The following ATXN2 variants were observed in gnomAD, a reference collection of about 807,000 sequenced individuals.
ATXN2 encodes the protein ataxin 2, also known as ataxin-2.
Under a neutral mutation model 138.6 loss-of-function variants are expected in ATXN2, and 37 were observed. The ratio of observed to expected loss-of-function variants is 0.27; its 90% CI spans 0.21 to 0.35. The LOEUF is 0.35. Among genes scored for constraint, ATXN2 ranks in the 10% least tolerant of loss-of-function variants. The pLI, the probability that ATXN2 is intolerant of heterozygous loss-of-function variation, is 1.00. For missense variants in ATXN2, 1,216 were observed against 1,480.3 expected (o/e 0.82, Z 2.93); for synonymous variants, 549 against 543.7 (o/e 1.01, Z -0.13).
rs773777965 is a variant in ATXN2 at position 111,452,826 on chromosome 12, G to C, written c.3454C>G (p.Gln1152Glu). Reference sequence around the variant, plus strand: ...CCAGGGCAGCCTTACAACTGCTGTTGGTGGTGGGCTTGTACTGTAAAAAGA... The same window carrying C: ...CCAGGGCAGCCTTACAACTGCTGTTCGTGGTGGGCTTGTACTGTAAAAAGA... Reference protein sequence around the residue: ...MTHPSVQAHHQQQL With the variant: ...MTHPSVQAHHEQQL The change falls in exon 25 of 25, where the codon CAA (glutamine) becomes GAA (glutamate). Residue 1152 changes from glutamine (Q) to glutamate (E), a missense_variant. Gln to Glu is a conservative substitution (Grantham distance 29). Transcript: ENST00000673436. 1 of 1,613,730 alleles carries C rather than the reference G, an allele frequency of 6.2e-7. No individual in the cohort carries two copies. Among genetic ancestry groups the C allele is most frequent in the Non-Finnish European group, 8.5e-7 (1 of 1,179,862 alleles).
intron 5 of ATXN2, among the ~76,000 whole-genome samples, chr12:111,547,341 T>C (rs528085959): frequency 6.0e-5 from 9 of 149,860 alleles, no homozygotes; most frequent in Non-Finnish European, 1.3e-4. Flanking sequence ...GCAGAAGAAT[T>C]GCTTGAACCT....
At chr12:111,582,551 T>A (rs934781204) in intron 1 of ATXN2, among the ~76,000 whole-genome samples, 1 of 151,928 alleles carries the variant, frequency 6.6e-6, no homozygotes, top group Admixed American at 6.6e-5. Context: ...AAGGCTGCAA[T>A]AAGCCATGAT....
intron 14 of ATXN2, among the ~76,000 whole-genome samples, chr12:111,498,273 G>A (rs983081445): frequency 6.6e-6 from 1 of 152,126 alleles, no homozygotes; most frequent in African/African-American, 2.4e-5. Flanking sequence ...AATGGAAGAA[G>A]TCAAATTATC....
chr12:111,513,394 A>T lies in ATXN2; in HGVS notation c.1521T>A (p.Ser507Arg). 6.2e-7 allele frequency: 1 copy of T among 1,613,872 alleles called. No homozygotes were observed. The highest frequency in any genetic ancestry group is 8.5e-7 in the Non-Finnish European group (1 of 1,179,982). Residue 507 changes from serine (S) to arginine (R), a missense_variant, in exon 11 of 25, where the codon AGT (serine) becomes AGA (arginine). Physicochemically the swap from Ser to Arg is moderately radical, Grantham distance 110. Around this residue, in one of 4 missense-constraint regions of ATXN2, gnomAD observed 215 missense variants for 210.0 expected, o/e 1.02. Coordinates refer to ENST00000673436, the MANE Select transcript of ATXN2 (RefSeq NM_001372574.1). ...CTGATGACCACGTTCCCCCCGAGGG[A>T]CTGGTCCTTGCTACTGGAGGAGTAG... ...EAATPPVART[S>R]PSGGTWSSVV...
At chr12:111,482,382 GAC>G (rs1877307036) in intron 18 of ATXN2, among the ~76,000 whole-genome samples, 1 of 151,784 alleles carries the variant, frequency 6.6e-6, no homozygotes, top group Non-Finnish European at 1.5e-5. Flanking sequence ...TTTTAGTAGA[GAC>G]ACGGTTTCAC....
chr12:111,459,703 G>C (rs1163013379), intron 21 of ATXN2, among the ~76,000 whole-genome samples: 1 of 151,526 alleles, frequency 6.6e-6, no homozygotes, highest in Non-Finnish European at 1.5e-5. Flanking sequence ...GCCTCCCAAA[G>C]TGCTGGGATT....
rs575169271 is a variant in ATXN2 at position 111,516,808 on chromosome 12, A to G, written c.1166-445T>C. Among the ~76,000 whole-genome samples, 3 of 152,232 alleles carry G rather than the reference A, an allele frequency of 2.0e-5. No homozygotes were observed. Among genetic ancestry groups the G allele is most frequent in the Non-Finnish European group, 4.4e-5 (3 of 68,030 alleles). On this transcript the variant is annotated intron_variant, in intron 9 of 24. Transcript: ENST00000673436. The surrounding 1 kb of genome is among the most constrained non-coding windows in gnomAD (Gnocchi z 5.0). ...CTGAGGCATAACGAAAATAAGCAGT[A>G]GCTATTATATCCAATTAGAAATGCT...
chr12:111,474,487 C>A (rs1293151261), intron 18 of ATXN2, among the ~76,000 whole-genome samples: 1 of 152,008 alleles, frequency 6.6e-6, no homozygotes, highest in African/African-American at 2.4e-5. Context: ...TGCCTGTAGT[C>A]ACAGTTACTT....
At chr12:111,554,855 C>T (rs974796437) in intron 2 of ATXN2, among the ~76,000 whole-genome samples, 13 of 152,130 alleles carry the variant, frequency 8.5e-5, no homozygotes, top group Non-Finnish European at 1.5e-5. Context: ...GGGTAGGAAG[C>T]CAGGTCATAC....
At chr12:111,567,683 G>A (rs77001757) in intron 1 of ATXN2, among the ~76,000 whole-genome samples, 15,200 of 150,656 alleles carry the variant, frequency 0.1, 2,541 homozygotes, top group African/African-American at 0.35. Context: ...GTATGGTGGC[G>A]TGCACCCATG....
intron 18 of ATXN2, among the ~76,000 whole-genome samples, chr12:111,480,798 A>G (rs1877174557): frequency 6.6e-6 from 1 of 152,198 alleles, no homozygotes; most frequent in Non-Finnish European, 1.5e-5. Context: ...AATTAACTCA[A>G]AAGAGATTGT....
chr12:111,529,471 A>T (rs1174221210), intron 5 of ATXN2, among the ~76,000 whole-genome samples: 2 of 152,234 alleles, frequency 1.3e-5, no homozygotes, highest in Non-Finnish European at 2.9e-5. Context: ...AAGCCTCTAG[A>T]CTAGCAGGCG....
At chr12:111,575,745 C>T (rs989238386) in intron 1 of ATXN2, among the ~76,000 whole-genome samples, 1 of 152,152 alleles carries the variant, frequency 6.6e-6, no homozygotes, top group African/African-American at 2.4e-5. Flanking sequence ...CCTATAAATG[C>T]CATGCTTTCT....
At chr12:111,543,141 T>C (rs80298150) in intron 5 of ATXN2, among the ~76,000 whole-genome samples, 2,234 of 152,236 alleles carry the variant, frequency 0.015, 64 homozygotes, top group African/African-American at 0.051. Context: ...CTGGCCTCAA[T>C]AAGTGCCACT....
At chr12:111,467,307 CTTTTTTTTTTTTTT>C (rs61507608) in intron 20 of ATXN2, among the ~76,000 whole-genome samples, 95 of 34,844 alleles carry the variant, frequency 2.7e-3, no homozygotes, top group Non-Finnish European at 4.1e-3. Flanking sequence ...CATGACTGGG[CTTTTTTTTTTTTTT>C]TTTTTTTTTT....
At chr12:111,524,867 G>A (rs183753374) in intron 6 of ATXN2, among the ~76,000 whole-genome samples, 1 of 152,048 alleles carries the variant, frequency 6.6e-6, no homozygotes, top group African/African-American at 2.4e-5. Flanking sequence ...TATTTGGCTG[G>A]GTGTTAAAGC....
Position 111,592,782 on chromosome 12 carries a change from CAAAA to C in ATXN2, c.251+5998_251+6001del, listed in dbSNP as rs71083183. Reference sequence around the variant, plus strand: ...TGGGCGACAGAGCAAGACTCCGTCTCAAAAAAAAAAAAAAAAAAAAAAGATAATA... The same window carrying C: ...TGGGCGACAGAGCAAGACTCCGTCTCAAAAAAAAAAAAAAAAAAGATAATA... On this transcript the variant is annotated intron_variant, in intron 1 of 24. Coordinates refer to ENST00000673436, the MANE Select transcript of ATXN2 (RefSeq NM_001372574.1). Among the ~76,000 whole-genome samples, 84 of 26,034 alleles carry C rather than the reference CAAAA, an allele frequency of 3.2e-3. 2 individuals carry two copies. Among genetic ancestry groups the C allele is most frequent in the East Asian group, 0.029 (38 of 1,324 alleles). 17.1% of individuals were successfully genotyped at this position (26,034 alleles called of 152,430 possible). A position where few individuals can be genotyped will look rare whatever the true frequency, so the allele number is the denominator to read the frequency against.
At chr12:111,454,077 G>A in intron 23 of ATXN2, 1 of 475,422 alleles carries the variant, frequency 2.1e-6, no homozygotes, top group Non-Finnish European at 3.7e-6. Context: ...GTGAGCCTGG[G>A]TAGAAGTCAG....
chr12:111,540,514 T>G (rs1295575153), intron 5 of ATXN2, among the ~76,000 whole-genome samples: 1 of 150,692 alleles, frequency 6.6e-6, no homozygotes, highest in Non-Finnish European at 1.5e-5. Context: ...ATTCCACTGC[T>G]TTAAAACTGA....
Sources: gnomAD v4.1 joint callset for allele counts (sites outside exome capture counted in the v4.1 genomes callset) on GRCh38, gnomAD v4.1.1 for gene constraint, gnomAD v4.1.1 regional missense constraint, Gnocchi (gnomAD v3.1) non-coding constraint, MANE v1.5 for transcripts, NCBI Gene and HGNC (gene_info 2026-07-23, HGNC 2026-07-21) for gene names.